HSD17B4: variants seen among roughly 807,000 people sequenced by gnomAD.
The protein encoded by HSD17B4 is peroxisomal multifunctional enzyme type 2.
A neutral mutation model predicts 101.0 loss-of-function variants in HSD17B4; 70 were observed. The observed-to-expected ratio is 0.69, with a 90% confidence interval of 0.57 to 0.85. The LOEUF is 0.85. Ranked by LOEUF, HSD17B4 falls within the 40% of genes least tolerant of loss-of-function variation. The probability of loss-of-function intolerance (pLI) is 0.00; values close to 1 mark genes in which losing one functional copy is unlikely to be tolerated. For synonymous variants in HSD17B4, 347 were observed against 297.1 expected, an observed-to-expected ratio of 1.17 and a Z score of -1.73; for missense variants, 984 against 892.4, an observed-to-expected ratio of 1.10 and a Z score of -1.31.
At position 119,481,291 on chromosome 5, in the gene HSD17B4, A is replaced by G. The variant is rs923624724; in HGVS notation, c.622+2270A>G. Among the ~76,000 whole-genome samples the G allele has an allele frequency of 3.9e-5, 6 of 152,160 alleles. No homozygotes were observed. In the South Asian group the frequency reaches 6.2e-4, roughly 16 times the overall value. On this transcript the variant is annotated intron_variant, in intron 8 of 23. Transcript: ENST00000510025. ...AATAAATGTCCATAAAATCTTCACA[A>G]TTCACGTTCTTCTGCCATGGTTTCA...
intron 17 of HSD17B4, among the ~76,000 whole-genome samples, chr5:119,521,288 C>G (rs1200018407): frequency 6.6e-6 from 1 of 152,196 alleles, no homozygotes; most frequent in Non-Finnish European, 1.5e-5. Context: ...GTTACTTGAT[C>G]TTTACCCTGA....
intron 23 of HSD17B4, among the ~76,000 whole-genome samples, chr5:119,541,186 T>C (rs1375165708): frequency 6.6e-6 from 1 of 152,216 alleles, no homozygotes; most frequent in East Asian, 1.9e-4. Context: ...GAACCCTTCG[T>C]TTTTAACACA....
chr5:119,526,725 A>C (rs563792315), intron 19 of HSD17B4, among the ~76,000 whole-genome samples: 3 of 152,042 alleles, frequency 2.0e-5, no homozygotes, highest in African/African-American at 7.2e-5. Flanking sequence ...AAATAATATA[A>C]AAAATTATGA....
rs1366517649 is a variant in HSD17B4 at position 119,455,564 on chromosome 5, C to CTATATA, written c.59-750_59-749insATATAT. 1.9e-3 allele frequency among the ~76,000 whole-genome samples: 243 copies of CTATATA among 126,248 alleles called. 1 individual carries two copies. The highest frequency in any genetic ancestry group is 5.1e-3 in the African/African-American group (174 of 34,420). 82.8% of individuals were successfully genotyped at this position (126,248 alleles called of 152,430 possible). On this transcript the variant is annotated intron_variant, in intron 1 of 23. Transcript: ENST00000510025. ...ACTTTCTCTCTCTCTCTCTCTCTCT[C>CTATATA]TCTCTATATATATATATATAATTTC...
At chr5:119,481,143 T>C (rs1354346596) in intron 8 of HSD17B4, among the ~76,000 whole-genome samples, 9 of 152,176 alleles carry the variant, frequency 5.9e-5, no homozygotes, top group African/African-American at 1.7e-4. Flanking sequence ...AAGACAGGCA[T>C]AGGAAATCAT....
intron 16 of HSD17B4, among the ~76,000 whole-genome samples, chr5:119,511,028 C>T (rs553544870): frequency 2.0e-5 from 3 of 152,242 alleles, no homozygotes; most frequent in East Asian, 3.9e-4. Context: ...CTAGCTTTCC[C>T]GTAGCGTGGA....
intron 8 of HSD17B4, 102 bp downstream of exon 8, chr5:119,479,123 T>A: frequency 1.1e-6 from 1 of 883,834 alleles, no homozygotes; most frequent in South Asian, 1.6e-5. Flanking sequence ...AAAATTATTA[T>A]TTTTTTCAAT....
At chr5:119,521,602 C>T (rs994232831) in intron 17 of HSD17B4, among the ~76,000 whole-genome samples, 5 of 151,884 alleles carry the variant, frequency 3.3e-5, no homozygotes, top group Middle Eastern at 3.4e-3. Flanking sequence ...CATTTCTGCC[C>T]TTTCTGCCAT....
At chr5:119,513,215 G>C (rs998039105) in intron 16 of HSD17B4, among the ~76,000 whole-genome samples, 3 of 152,170 alleles carry the variant, frequency 2.0e-5, no homozygotes, top group African/African-American at 7.2e-5. Flanking sequence ...ACATGCAGTG[G>C]CATTCTCTGA....
At chr5:119,456,232 CT>C (rs2126609941) in intron 1 of HSD17B4, 82 bp from the exon 2 acceptor site, 1 of 853,018 alleles carries the variant, frequency 1.2e-6, no homozygotes, top group African/African-American at 1.7e-5. Flanking sequence ...TCACCAATTT[CT>C]TTAAATGGGG....
At position 119,477,458 on chromosome 5, in the gene HSD17B4, A is replaced by G; in HGVS notation, c.391A>G (p.Thr131Ala). ...TCATTTGCGGGGTTCATTCCAAGTG[A>G]CACGGGCAGCATGGGAACACATGAA... The part of the protein sequence containing the change: ...RVHLRGSFQV[T>A]RAAWEHMKKQ... Residue 131 changes from threonine to alanine, a missense_variant, in exon 7 of 24, where the codon ACA becomes GCA. Thr to Ala is a moderately conservative substitution (Grantham distance 58). Coordinates refer to ENST00000510025, the MANE Select transcript of HSD17B4 (RefSeq NM_000414.4). The G allele has an allele frequency of 3.1e-6, 5 of 1,613,142 alleles. No individual in the cohort carries two copies. Among genetic ancestry groups the G allele is most frequent in the Non-Finnish European group, 4.2e-6 (5 of 1,179,172 alleles).
At chr5:119,474,488 G>C (rs1386113780) in intron 4 of HSD17B4, 28 bp downstream of exon 4, 1 of 1,408,348 alleles carries the variant, frequency 7.1e-7, no homozygotes, top group Admixed American at 1.7e-5. Flanking sequence ...TATGGCTCTT[G>C]TGGAGCAACT....
At chr5:119,501,804 A>C (rs1228673736) in intron 13 of HSD17B4, among the ~76,000 whole-genome samples, 9 of 152,172 alleles carry the variant, frequency 5.9e-5, no homozygotes, top group African/African-American at 2.2e-4. Context: ...GGCTTTATGA[A>C]CGCCAAGAAA....
At chr5:119,457,382 C>T (rs1232397632) in intron 2 of HSD17B4, among the ~76,000 whole-genome samples, 3 of 152,194 alleles carry the variant, frequency 2.0e-5, no homozygotes, top group Non-Finnish European at 4.4e-5. Flanking sequence ...AGCAAGCAAC[C>T]AGGTTTTCTA....
intron 1 of HSD17B4, among the ~76,000 whole-genome samples, chr5:119,454,996 A>G (rs1413639577): frequency 6.6e-6 from 1 of 152,240 alleles, no homozygotes; most frequent in Non-Finnish European, 1.5e-5. Context: ...ATTAATTTAT[A>G]CTAAATATAA....
At chr5:119,509,079 G>A (rs953358612) in intron 15 of HSD17B4, 62 bp from the exon 16 acceptor site, 4 of 887,500 alleles carry the variant, frequency 4.5e-6, no homozygotes, top group Non-Finnish European at 7.6e-6. Flanking sequence ...AACCTATCTT[G>A]GTTAACTAGT....
At chr5:119,519,899 C>A (rs969752127) in intron 17 of HSD17B4, among the ~76,000 whole-genome samples, 1 of 152,178 alleles carries the variant, frequency 6.6e-6, no homozygotes, top group African/African-American at 2.4e-5. Context: ...GAAAAAACTT[C>A]TTTTACATCC....
At chr5:119,527,469 T>G (rs898459205) in intron 20 of HSD17B4, among the ~76,000 whole-genome samples, 2 of 152,114 alleles carry the variant, frequency 1.3e-5, no homozygotes, top group Non-Finnish European at 1.5e-5. Context: ...TAGCTATCTA[T>G]GTAGCAGTGG....
rs769358132 is a variant in HSD17B4, at chr5:119,474,410, A to G, written c.230A>G (p.Glu77Gly). ...TTTTCCTTTCCCTCAGATTCAGTGG[A>G]AGAAGGAGAGAAGGTTGTGAAGACA... is the stretch of plus-strand genomic sequence containing the variant. ...GKAVANYDSV[E>G]EGEKVVKTAL... The change falls in exon 4 of 24, where the codon GAA becomes GGA. Residue 77 changes from glutamate to glycine, a missense_variant. Coordinates refer to ENST00000510025, the MANE Select transcript of HSD17B4 (RefSeq NM_000414.4). 162 of 1,608,234 alleles carry G rather than the reference A, an allele frequency of 1.0e-4. No individual in the cohort carries two copies. The highest frequency in any genetic ancestry group is 1.4e-4 in the Non-Finnish European group (161 of 1,174,896).
Sources: allele counts gnomAD v4.1 joint callset (sites outside exome capture counted in the v4.1 genomes callset), GRCh38; gene constraint gnomAD v4.1.1; transcripts MANE v1.5; gene names NCBI Gene and HGNC (gene_info 2026-07-23, HGNC 2026-07-21).